The following ATP6V1C1 variants were observed in gnomAD, a reference collection of about 807,000 sequenced individuals.
The protein encoded by ATP6V1C1 is ATPase H+ transporting V1 subunit C1.
In ATP6V1C1, 45 loss-of-function variants were observed where a neutral mutation model predicts 53.9. The observed-to-expected ratio is 0.83, with a 90% CI of 0.66 to 1.07. ATP6V1C1 has a LOEUF of 1.07. Among genes scored for constraint, ATP6V1C1 ranks in the 50% least tolerant of loss-of-function variants. ATP6V1C1 has a pLI of 0.00. For missense variants in ATP6V1C1, 315 were observed against 440.3 expected, an observed-to-expected ratio of 0.72 and a Z score of 2.55; for synonymous variants, 153 against 155.2, an observed-to-expected ratio of 0.99 and a Z score of 0.11.
At chr8:103,043,566 C>T (rs369106916) in intron 3 of ATP6V1C1, among the ~76,000 whole-genome samples, 1 of 151,702 alleles carries the variant, frequency 6.6e-6, no homozygotes, top group East Asian at 1.9e-4. Context: ...CCCCTGACCT[C>T]GTGATCCACC....
chr8:103,052,720 C>A lies in ATP6V1C1; in HGVS notation c.382-11C>A. ...AATTTTATCTATTTTTCTTCTTTTT[C>A]TTTTTCAAAGGGAGTAACTCAGATT... On this transcript the variant is annotated splice_polypyrimidine_tract_variant and intron_variant, in intron 5 of 12. Coordinates refer to ENST00000518738, the MANE Select transcript of ATP6V1C1 (RefSeq NM_001695.5). The A allele has an allele frequency of 6.5e-7, 1 of 1,535,518 alleles. No homozygotes were observed. Among genetic ancestry groups the A allele is most frequent in the East Asian group, 2.4e-5 (1 of 41,626 alleles).
chr8:103,035,196 C>A (rs1816871699), intron 1 of ATP6V1C1, among the ~76,000 whole-genome samples: 1 of 152,136 alleles, frequency 6.6e-6, no homozygotes, highest in Non-Finnish European at 1.5e-5. Flanking sequence ...GAACCTGCAA[C>A]TCTACCAATT....
intron 6 of ATP6V1C1, among the ~76,000 whole-genome samples, chr8:103,053,228 G>A (rs1355058261): frequency 6.6e-6 from 1 of 151,804 alleles, no homozygotes; most frequent in Non-Finnish European, 1.5e-5. Flanking sequence ...CAGAATTTAG[G>A]TTTTTCACTT....
intron 1 of ATP6V1C1, among the ~76,000 whole-genome samples, chr8:103,037,109 C>T (rs1271702455): frequency 2.0e-5 from 3 of 151,966 alleles, no homozygotes; most frequent in Non-Finnish European, 4.4e-5. Context: ...TGGAAGCAAC[C>T]GGCGATAGGT....
intron 7 of ATP6V1C1, among the ~76,000 whole-genome samples, chr8:103,054,418 A>G (rs1817252638): frequency 6.6e-6 from 1 of 152,122 alleles, no homozygotes; most frequent in South Asian, 2.1e-4. Flanking sequence ...AAAGGGCTAG[A>G]TAGTAAGTAT....
intron 4 of ATP6V1C1, 65 bp downstream of exon 4, chr8:103,049,020 C>A: frequency 2.1e-6 from 3 of 1,440,434 alleles, no homozygotes; most frequent in Admixed American, 3.8e-5. Flanking sequence ...GCTACAGAAA[C>A]AAAAAGTAAT....
chr8:103,065,594 A>T (rs1817474607), intron 11 of ATP6V1C1, among the ~76,000 whole-genome samples: 1 of 152,078 alleles, frequency 6.6e-6, no homozygotes, highest in African/African-American at 2.4e-5. Flanking sequence ...AAACAAACAA[A>T]AAAACACCCC....
chr8:103,070,522 T>A lies in ATP6V1C1; in HGVS notation c.*1775T>A, dbSNP rs987987998. 1 of 152,236 alleles carries A rather than the reference T, an allele frequency of 6.6e-6. No homozygotes were observed. Among genetic ancestry groups the A allele is most frequent in the African/African-American group, 2.4e-5 (1 of 41,458 alleles). The allele number at this position is 152,236 out of a possible 1,614,324, so 9.4% of individuals were successfully genotyped here. On this transcript the variant is annotated 3_prime_UTR_variant, in exon 13 of 13. Coordinates refer to ENST00000518738, the MANE Select transcript of ATP6V1C1 (RefSeq NM_001695.5). ...TTTGGTTCTTTGTCTTTTGCACATG[T>A]TCTTTGAGTCTTAGTATCTGTAACG...
chr8:103,043,923 C>T (rs376875380), intron 3 of ATP6V1C1, among the ~76,000 whole-genome samples: 1 of 152,122 alleles, frequency 6.6e-6, no homozygotes, highest in South Asian at 2.1e-4. Flanking sequence ...GAGTCTCGCT[C>T]TGTTGCCCAG....
rs962213663 is a variant in ATP6V1C1 at position 103,047,428 on chromosome 8, GCGCACACACACA to G, written c.201-1440_201-1429del. Among the ~76,000 whole-genome samples the G allele has an allele frequency of 1.1e-3, 126 of 117,584 alleles. 4 individuals are homozygous for G. In the South Asian group the frequency reaches 0.03, roughly 28 times the overall value. 77.1% of individuals were successfully genotyped at this position (117,584 alleles called of 152,430 possible). ...TCTTAAAAAAAAAAAAAAAATGCGC[GCGCACACACACA>G]CACACACACACACACACACACACAT... On this transcript the variant is annotated intron_variant, in intron 3 of 12. Transcript: ENST00000518738.
chr8:103,042,461 C>A, intron 3 of ATP6V1C1, 54 bp downstream of exon 3: 2 of 1,540,042 alleles, frequency 1.3e-6, no homozygotes, highest in Non-Finnish European at 1.8e-6. Flanking sequence ...TATTATCAGG[C>A]TTCATGGACA....
At position 103,052,785 on chromosome 8, in the gene ATP6V1C1, C is replaced by G. The variant is rs770133717; in HGVS notation, c.436C>G (p.Leu146Val). The G allele has an allele frequency of 3.1e-6, 5 of 1,597,590 alleles. No individual in the cohort carries two copies. The highest frequency in any genetic ancestry group is 1.7e-4 in the Middle Eastern group (1 of 6,016). The change falls in exon 6 of 13, where the codon CTG becomes GTG. Residue 146 changes from leucine to valine, a missense_variant. Physicochemically the swap from Leu to Val is conservative, Grantham distance 32. Transcript: ENST00000518738. ...ATCTCGAGCATCTGCATACAATAAC[C>G]TGAAAGGAAATCTTCAGAATTTGGA... ...LKSRASAYNNLKGNLQNLERK... is the reference protein window; with the variant it reads ...LKSRASAYNNVKGNLQNLERK...
Position 103,063,400 on chromosome 8 carries a change from T to C in ATP6V1C1, c.828+172T>C, listed in dbSNP as rs1165449629. The stretch of plus-strand genomic sequence containing the variant: ...AATTTCCTCTAAAGCTTAACTGTTC[T>C]AGAGATAACTATTCTATTTCTAAGA... On this transcript the variant is annotated intron_variant, in intron 10 of 12. Coordinates refer to ENST00000518738, the MANE Select transcript of ATP6V1C1 (RefSeq NM_001695.5). 5.7e-6 allele frequency: 3 copies of C among 525,230 alleles called. No homozygotes were observed. The African/African-American group carries it at 5.8e-5, about 10-fold the overall frequency. The allele number at this position is 525,230 out of a possible 1,614,324, so 32.5% of individuals were successfully genotyped here.
intron 10 of ATP6V1C1, among the ~76,000 whole-genome samples, chr8:103,063,727 G>A (rs1481908547): frequency 6.6e-6 from 1 of 152,098 alleles, no homozygotes; most frequent in African/African-American, 2.4e-5. Flanking sequence ...AATGGGAAAC[G>A]AGTGGAATTG....
chr8:103,040,696 G>T, intron 1 of ATP6V1C1, 102 bp from the exon 2 acceptor site: 1 of 1,034,638 alleles, frequency 9.7e-7, no homozygotes, highest in Non-Finnish European at 1.3e-6. Context: ...CATTAGATTA[G>T]TTTTGAAACA....
chr8:103,061,889 TA>T (rs1473159357), intron 8 of ATP6V1C1, among the ~76,000 whole-genome samples: 1 of 152,204 alleles, frequency 6.6e-6, no homozygotes, highest in Non-Finnish European at 1.5e-5. Context: ...GCACTATAGG[TA>T]AATTCTGAAA....
intron 11 of ATP6V1C1, 27 bp from the exon 12 acceptor site, chr8:103,066,291 TTGC>T: frequency 6.3e-7 from 1 of 1,588,906 alleles, no homozygotes; most frequent in Non-Finnish European, 8.5e-7. Context: ...TTTGCTTGTA[TTGC>T]GTACTGTATT....
At chr8:103,059,517 C>T (rs1015641609) in intron 8 of ATP6V1C1, among the ~76,000 whole-genome samples, 1 of 151,816 alleles carries the variant, frequency 6.6e-6, no homozygotes, top group East Asian at 1.9e-4. Context: ...CTTGCACCCC[C>T]CTCCCCCCAC....
At chr8:103,041,057 T>A (rs1390421099) in intron 2 of ATP6V1C1, 89 bp downstream of exon 2, 1 of 1,391,726 alleles carries the variant, frequency 7.2e-7, no homozygotes, top group East Asian at 2.5e-5. Context: ...ATACCCAGGT[T>A]CCTTCCAAAG....
Sources: gnomAD v4.1 joint callset for allele counts (sites outside exome capture counted in the v4.1 genomes callset) on GRCh38, gnomAD v4.1.1 for gene constraint, MANE v1.5 for transcripts, NCBI Gene and HGNC (gene_info 2026-07-23, HGNC 2026-07-21) for gene names.